The following ITGBL1 variants were observed in gnomAD, a reference collection of about 807,000 sequenced individuals.
ITGBL1 encodes integrin beta-like protein 1.
Under a neutral mutation model 68.5 loss-of-function variants are expected in ITGBL1, and 51 were observed. That is an observed-to-expected ratio of 0.74 (90% CI 0.59 to 0.94). The LOEUF is 0.94. ITGBL1 is among the 40% of genes least tolerant of loss of function. The pLI, the probability that ITGBL1 is intolerant of heterozygous loss-of-function variation, is 0.00. For synonymous variants in ITGBL1, 209 were observed against 227.3 expected, an observed-to-expected ratio of 0.92 and a Z score of 0.72; for missense variants, 649 against 647.4, an observed-to-expected ratio of 1.00 and a Z score of -0.03.
chr13:101,455,547 AT>A (rs2048232029), intron 2 of ITGBL1, among the ~76,000 whole-genome samples: 1 of 152,118 alleles, frequency 6.6e-6, no homozygotes, highest in Admixed American at 6.5e-5. Flanking sequence ...TGTGCCTGTA[AT>A]CCCAGCTACT....
intron 7 of ITGBL1, among the ~76,000 whole-genome samples, chr13:101,682,902 C>G (rs2033676395): frequency 6.6e-6 from 1 of 152,000 alleles, no homozygotes; most frequent in Non-Finnish European, 1.5e-5. Context: ...TATGAAAACT[C>G]TCACCTATAT....
At chr13:101,575,399 A>T in intron 3 of ITGBL1, 25 bp from the exon 4 acceptor site, 1 of 1,605,406 alleles carries the variant, frequency 6.2e-7, no homozygotes, top group Non-Finnish European at 8.5e-7. Context: ...TGTAACAAAC[A>T]GTCTTTTTTG....
At chr13:101,648,993 G>A (rs1339034493) in intron 7 of ITGBL1, among the ~76,000 whole-genome samples, 1 of 152,000 alleles carries the variant, frequency 6.6e-6, no homozygotes, top group Non-Finnish European at 1.5e-5. Context: ...GACATACTAG[G>A]AATATGAGAC....
At chr13:101,542,059 G>T (rs1041048186) in intron 2 of ITGBL1, among the ~76,000 whole-genome samples, 2 of 152,076 alleles carry the variant, frequency 1.3e-5, no homozygotes, top group Non-Finnish European at 2.9e-5. Flanking sequence ...GTTTCCTTCA[G>T]TTCTGCTCTG....
At chr13:101,632,742 C>G (rs1038153035) in intron 7 of ITGBL1, among the ~76,000 whole-genome samples, 1 of 152,146 alleles carries the variant, frequency 6.6e-6, no homozygotes, top group African/African-American at 2.4e-5. Context: ...CATTTTCTTT[C>G]TTTACCTGAG....
intron 7 of ITGBL1, among the ~76,000 whole-genome samples, chr13:101,637,491 G>T (rs560741779): frequency 6.6e-6 from 1 of 151,736 alleles, no homozygotes. Context: ...CTACAGGCAC[G>T]TGCCACCACA....
At chr13:101,504,877 T>A (rs537639506) in intron 2 of ITGBL1, among the ~76,000 whole-genome samples, 1 of 152,220 alleles carries the variant, frequency 6.6e-6, no homozygotes, top group East Asian at 1.9e-4. Flanking sequence ...TTGGAGAAAA[T>A]GAAATCTTCA....
intron 7 of ITGBL1, among the ~76,000 whole-genome samples, chr13:101,671,843 A>G (rs998750602): frequency 6.6e-6 from 1 of 152,172 alleles, no homozygotes; most frequent in Non-Finnish European, 1.5e-5. Flanking sequence ...TTTTAATGGC[A>G]GTATATATGT....
chr13:101,610,146 A>T (rs2031054179), intron 7 of ITGBL1, among the ~76,000 whole-genome samples: 1 of 152,214 alleles, frequency 6.6e-6, no homozygotes, highest in African/African-American at 2.4e-5. Context: ...TTCTATTAAA[A>T]TACTAAAATT....
chr13:101,520,294 T>C (rs936787450), intron 2 of ITGBL1, among the ~76,000 whole-genome samples: 2 of 152,228 alleles, frequency 1.3e-5, no homozygotes, highest in African/African-American at 2.4e-5. Context: ...TTGAGTACGA[T>C]CAAAACTCCA....
intron 7 of ITGBL1, among the ~76,000 whole-genome samples, chr13:101,653,172 GAGA>G (rs1006070784): frequency 1.3e-4 from 19 of 150,824 alleles, no homozygotes; most frequent in Admixed American, 4.0e-4. Context: ...AAACAAAGAA[GAGA>G]AGAAGAGGAG....
chr13:101,682,296 T>C (rs990282110), intron 7 of ITGBL1, among the ~76,000 whole-genome samples: 4 of 152,194 alleles, frequency 2.6e-5, no homozygotes, highest in Admixed American at 6.5e-5. Flanking sequence ...TTTTGTCTTA[T>C]ACTTTAGATA....
At chr13:101,538,873 A>G (rs1367127597) in intron 2 of ITGBL1, among the ~76,000 whole-genome samples, 1 of 152,052 alleles carries the variant, frequency 6.6e-6, no homozygotes, top group East Asian at 1.9e-4. Flanking sequence ...ATTATTTTAC[A>G]TAGAAATTCT....
intron 2 of ITGBL1, among the ~76,000 whole-genome samples, chr13:101,549,109 G>C (rs1035896722): frequency 6.6e-6 from 1 of 151,816 alleles, no homozygotes; most frequent in African/African-American, 2.4e-5. Flanking sequence ...AAATATTCAG[G>C]AATGTAGTAT....
At chr13:101,488,083 T>C (rs1260754320) in intron 2 of ITGBL1, among the ~76,000 whole-genome samples, 1 of 152,116 alleles carries the variant, frequency 6.6e-6, no homozygotes, top group Non-Finnish European at 1.5e-5. Context: ...ATGGCAGGGA[T>C]TGGGACTTAC....
At chr13:101,539,632 C>T (rs2139181305) in intron 2 of ITGBL1, among the ~76,000 whole-genome samples, 1 of 151,716 alleles carries the variant, frequency 6.6e-6, no homozygotes, top group Non-Finnish European at 1.5e-5. Flanking sequence ...GCCACACTGA[C>T]TTCCACAATG....
chr13:101,682,935 A>C (rs1483918261), intron 7 of ITGBL1, among the ~76,000 whole-genome samples: 2 of 152,208 alleles, frequency 1.3e-5, no homozygotes, highest in Non-Finnish European at 2.9e-5. Context: ...TTATGACTTA[A>C]ACTTTTACAT....
At chr13:101,462,440 C>T (rs560583418) in intron 2 of ITGBL1, among the ~76,000 whole-genome samples, 2 of 152,298 alleles carry the variant, frequency 1.3e-5, no homozygotes, top group African/African-American at 4.8e-5. Flanking sequence ...GCAGGGCACT[C>T]TGTATGTGTG....
chr13:101,625,629 C>G (rs970272585), intron 7 of ITGBL1, among the ~76,000 whole-genome samples: 2 of 151,954 alleles, frequency 1.3e-5, no homozygotes, highest in Admixed American at 6.6e-5. Context: ...CTAGGCTCAC[C>G]GCAACCTCTG....
Sources: gnomAD v4.1 joint callset for allele counts (sites outside exome capture counted in the v4.1 genomes callset) on GRCh38, gnomAD v4.1.1 for gene constraint, MANE v1.5 for transcripts, NCBI Gene and HGNC (gene_info 2026-07-23, HGNC 2026-07-21) for gene names.